OXSR1: variants seen among roughly 807,000 people sequenced by gnomAD.
OXSR1 encodes oxidative stress responsive kinase 1.
Under a neutral mutation model 79.8 loss-of-function variants are expected in OXSR1, and 24 were observed. The ratio of observed to expected loss-of-function variants is 0.30; its 90% confidence interval spans 0.22 to 0.42. The LOEUF (loss-of-function observed/expected upper bound fraction) is 0.42, where lower values mean the gene tolerates loss of function less well. Ranked by LOEUF, OXSR1 falls within the 10% of genes least tolerant of loss-of-function variation. The pLI, the probability that OXSR1 is intolerant of heterozygous loss-of-function variation, is 1.00. For synonymous variants in OXSR1, 226 were observed against 209.2 expected (o/e 1.08, Z -0.69); for missense variants, 430 against 618.4 (o/e 0.70, Z 3.23).
At chr3:38,195,141 A>G (rs1418575989) in intron 3 of OXSR1, among the ~76,000 whole-genome samples, 2 of 152,222 alleles carry the variant, frequency 1.3e-5, no homozygotes, top group African/African-American at 2.4e-5. Flanking sequence ...ATAAATAGCT[A>G]TTTCCAGTTT....
At chr3:38,218,624 G>T (rs1007675185) in intron 5 of OXSR1, among the ~76,000 whole-genome samples, 3 of 151,986 alleles carry the variant, frequency 2.0e-5, no homozygotes, top group African/African-American at 7.3e-5. Flanking sequence ...CCAGTCTGTG[G>T]GTTGCCTTTC....
chr3:38,170,131 G>A (rs533235223), intron 1 of OXSR1, among the ~76,000 whole-genome samples: 35 of 152,070 alleles, frequency 2.3e-4, no homozygotes, highest in African/African-American at 8.2e-4. Flanking sequence ...TGCAACCTCC[G>A]CTTCCTGGGT....
chr3:38,199,227 T>G (rs1282076822), intron 4 of OXSR1, among the ~76,000 whole-genome samples: 1 of 152,046 alleles, frequency 6.6e-6, no homozygotes, highest in Non-Finnish European at 1.5e-5. Context: ...CCTAAATTAT[T>G]AAAAGCTTTT....
intron 2 of OXSR1, among the ~76,000 whole-genome samples, chr3:38,184,402 G>A (rs1701841738): frequency 6.6e-6 from 1 of 152,124 alleles, no homozygotes; most frequent in African/African-American, 2.4e-5. Context: ...ATCTTGGATT[G>A]ATACATACAA....
At chr3:38,249,352 A>G (rs1703208523) in intron 14 of OXSR1, among the ~76,000 whole-genome samples, 1 of 152,114 alleles carries the variant, frequency 6.6e-6, no homozygotes, top group African/African-American at 2.4e-5. Flanking sequence ...GGAGTCATAT[A>G]GTAACTCTGC....
chr3:38,165,900 G>C lies in OXSR1; in HGVS notation c.24G>C (p.Leu8=). Residue 8 remains leucine (L), a synonymous_variant, in exon 1 of 18, where the codon CTG becomes CTC. Transcript: ENST00000311806. The part of the protein sequence containing the change: MSEDSSA[L]PWSINRDDYE... ...TCATGTCCGAGGACTCGAGCGCCCT[G>C]CCCTGGTCCATCAACAGGGACGATT... The C allele has an allele frequency of 6.2e-7, 1 of 1,611,852 alleles. No individual in the cohort carries two copies. The highest frequency in any genetic ancestry group is 8.5e-7 in the Non-Finnish European group (1 of 1,179,628).
intron 11 of OXSR1, among the ~76,000 whole-genome samples, chr3:38,241,886 T>A (rs1456225095): frequency 3.3e-5 from 5 of 151,630 alleles, no homozygotes; most frequent in Non-Finnish European, 7.4e-5. Context: ...TGATTACTCC[T>A]TAATGAAATG....
chr3:38,250,984 A>C (rs2125856445), intron 15 of OXSR1, among the ~76,000 whole-genome samples: 1 of 152,342 alleles, frequency 6.6e-6, no homozygotes, highest in African/African-American at 2.4e-5. Flanking sequence ...CTAGATAAGA[A>C]GAAAAGCCCA....
chr3:38,192,495 A>G (rs1039259993), intron 3 of OXSR1, among the ~76,000 whole-genome samples: 55 of 152,282 alleles, frequency 3.6e-4, no homozygotes, highest in African/African-American at 1.3e-3. Flanking sequence ...ACATCAATAC[A>G]AGTTTCCAAT....
In OXSR1 at chr3:38,244,666, T is replaced by TGTGTGTGTGTGC. The variant is rs748851263; in HGVS notation, c.1111-1408_1111-1407insTGTGTGTGTGCG. ...GTGTGTGTGTGTGTGTGTGTGTGTG[T>TGTGTGTGTGTGC]GCGTGCGCATGTACCACATTTTATT... On this transcript the variant is annotated intron_variant, in intron 12 of 17. Transcript: ENST00000311806. 7.4e-3 allele frequency among the ~76,000 whole-genome samples: 1,060 copies of TGTGTGTGTGTGC among 144,006 alleles called. 16 individuals carry two copies. Among genetic ancestry groups the TGTGTGTGTGTGC allele is most frequent in the South Asian group, 0.042 (189 of 4,476 alleles). 94.5% of individuals were successfully genotyped at this position (144,006 alleles called of 152,430 possible).
At chr3:38,173,812 A>C (rs944151243) in intron 1 of OXSR1, among the ~76,000 whole-genome samples, 68 of 152,364 alleles carry the variant, frequency 4.5e-4, no homozygotes, top group Middle Eastern at 6.8e-3. Context: ...TGAAGCAAAC[A>C]CAAAAAATGC....
chr3:38,252,912 G>A lies in OXSR1; in HGVS notation c.*21G>A, dbSNP rs374272461. ...GCTAAACCACAACCCTGGAAGAGGC[G>A]GCCTAAGGAGATTCCACACATGCGT... On this transcript the variant is annotated 3_prime_UTR_variant, in exon 18 of 18. Transcript: ENST00000311806. 1.0e-5 allele frequency: 16 copies of A among 1,600,856 alleles called. No individual in the cohort carries two copies. The highest frequency in any genetic ancestry group is 4.4e-5 in the South Asian group (4 of 90,800).
intron 5 of OXSR1, among the ~76,000 whole-genome samples, chr3:38,220,214 A>T (rs747772582): frequency 6.6e-6 from 1 of 152,172 alleles, no homozygotes; most frequent in Non-Finnish European, 1.5e-5. Flanking sequence ...TACTGTATAG[A>T]CAAGCAATTA....
At position 38,242,845 on chromosome 3, in the gene OXSR1, G is replaced by A. The variant is rs375884057; in HGVS notation, c.1110+67G>A. ...GCTTTTGTTTTGGTTTCAATTCGAA[G>A]TGCTTTTGTTTGTGCATATGTATGC... is the stretch of plus-strand genomic sequence containing the variant. On this transcript the variant is annotated intron_variant, in intron 12 of 17. Coordinates refer to ENST00000311806, the MANE Select transcript of OXSR1 (RefSeq NM_005109.3). 1.2e-5 allele frequency: 12 copies of A among 1,009,940 alleles called. No homozygotes were observed. The African/African-American group carries it at 1.8e-4, about 15-fold the overall frequency. 62.6% of individuals were successfully genotyped at this position (1,009,940 alleles called of 1,614,324 possible). A position where few individuals can be genotyped will look rare whatever the true frequency, so the allele number is the denominator to read the frequency against.
intron 1 of OXSR1, among the ~76,000 whole-genome samples, chr3:38,171,209 T>C (rs2125800069): frequency 6.6e-6 from 1 of 152,356 alleles, no homozygotes; most frequent in Middle Eastern, 3.4e-3. Context: ...TTCTTTGAGC[T>C]ACAGCCTAGT....
intron 5 of OXSR1, among the ~76,000 whole-genome samples, chr3:38,217,892 T>A (rs191913345): frequency 6.6e-6 from 1 of 152,322 alleles, no homozygotes; most frequent in East Asian, 1.9e-4. Flanking sequence ...GTGATTGACT[T>A]TATTTCATTT....
At chr3:38,174,347 G>A (rs1236464403) in intron 1 of OXSR1, among the ~76,000 whole-genome samples, 2 of 151,976 alleles carry the variant, frequency 1.3e-5, no homozygotes, top group African/African-American at 4.8e-5. Context: ...TTTGGGAGGC[G>A]GAGGCAGGTG....
At chr3:38,245,979 T>G in intron 12 of OXSR1, 96 bp from the exon 13 acceptor site, 2 of 1,121,078 alleles carry the variant, frequency 1.8e-6, no homozygotes. Flanking sequence ...CAAAAACTAC[T>G]TTGAAAATAT....
intron 11 of OXSR1, among the ~76,000 whole-genome samples, chr3:38,237,694 A>G (rs1196332551): frequency 6.6e-6 from 1 of 152,192 alleles, no homozygotes; most frequent in Middle Eastern, 3.2e-3. Flanking sequence ...ATTTGAGTCT[A>G]GTCCTTCTGC....
Sources: gnomAD v4.1 joint callset for allele counts (sites outside exome capture counted in the v4.1 genomes callset) on GRCh38, gnomAD v4.1.1 for gene constraint, MANE v1.5 for transcripts, NCBI Gene and HGNC (gene_info 2026-07-23, HGNC 2026-07-21) for gene names.